FGF13: variants seen among roughly 807,000 people sequenced by gnomAD.
FGF13 encodes fibroblast growth factor homologous factor 2.
Under a neutral mutation model 19.5 loss-of-function variants are expected in FGF13, and 2 were observed. The ratio of observed to expected loss-of-function variants is 0.10; its 90% CI spans 0.04 to 0.32. The LOEUF is 0.32. FGF13 is among the 10% of genes least tolerant of loss of function. FGF13 has a pLI of 1.00. For synonymous variants in FGF13, 72 were observed against 76.9 expected, an observed-to-expected ratio of 0.94 and a Z score of 0.33; for missense variants, 113 against 192.7, an observed-to-expected ratio of 0.59 and a Z score of 2.45.
At chrX:139,035,397 A>C (rs998119193) in intron 1 of FGF13, among the ~76,000 whole-genome samples, 2 of 111,588 alleles carry the variant, frequency 1.8e-5, no homozygotes, top group African/African-American at 3.3e-5. Flanking sequence ...CATTTGAAAA[A>C]TTAAGTTCCT....
chrX:138,922,455 G>C (rs944335630), intron 1 of FGF13, among the ~76,000 whole-genome samples: 1 of 111,298 alleles, frequency 9.0e-6, no homozygotes, highest in Non-Finnish European at 1.9e-5. Flanking sequence ...TTGACCTACT[G>C]GATGAGCTTA....
rs1054504488 is a variant in FGF13, at chrX:138,617,192, G to T, written c.*15658C>A. ...ATGAATTGATATACCTAACAGGTTT[G>T]TATATGATACAGTATATAATTTTAG... is the stretch of plus-strand genomic sequence containing the variant. On this transcript the variant is annotated 3_prime_UTR_variant, in exon 5 of 5. Coordinates refer to ENST00000315930, the MANE Select transcript of FGF13 (RefSeq NM_004114.5). 1.8e-5 allele frequency: 2 copies of T among 111,764 alleles called. No individual in the cohort carries two copies. Among genetic ancestry groups the T allele is most frequent in the Non-Finnish European group, 3.8e-5 (2 of 53,214 alleles). The allele number at this position is 111,764 out of a possible 1,213,427, so 9.2% of individuals were successfully genotyped here.
At chrX:138,790,059 A>C (rs2090729483) in intron 3 of FGF13, among the ~76,000 whole-genome samples, 1 of 97,619 alleles carries the variant, frequency 1.0e-5, no homozygotes, top group African/African-American at 3.7e-5. Flanking sequence ...AAAAAAAAAA[A>C]AAAAAAAAAA....
At chrX:138,798,782 G>A (rs2090801347) in intron 3 of FGF13, among the ~76,000 whole-genome samples, 1 of 111,874 alleles carries the variant, frequency 8.9e-6, no homozygotes, top group African/African-American at 3.3e-5. Flanking sequence ...CTTCTCCCTG[G>A]TTTAGTCTTG....
chrX:139,019,999 A>G (rs1280338376), intron 1 of FGF13, among the ~76,000 whole-genome samples: 1 of 110,797 alleles, frequency 9.0e-6, no homozygotes, highest in Non-Finnish European at 1.9e-5. Context: ...AAGCAGTACA[A>G]AGTAATAGAA....
chrX:139,009,287 CAAG>C (rs913989327), intron 1 of FGF13, among the ~76,000 whole-genome samples: 3 of 111,173 alleles, frequency 2.7e-5, no homozygotes, highest in Non-Finnish European at 5.7e-5. Context: ...AATCAAAATA[CAAG>C]AAGCTCAAAG....
chrX:138,720,690 T>C (rs1304492662), intron 1 of FGF13, among the ~76,000 whole-genome samples: 1 of 111,416 alleles, frequency 9.0e-6, no homozygotes, highest in African/African-American at 3.3e-5. Flanking sequence ...TGAATCCAGC[T>C]TCAGAAAACA....
chrX:138,824,053 G>A (rs2091017607), intron 3 of FGF13, among the ~76,000 whole-genome samples: 2 of 112,200 alleles, frequency 1.8e-5, no homozygotes, highest in South Asian at 7.4e-4. Flanking sequence ...AGCTAGAAAT[G>A]TAAGAGAGGG....
chrX:138,712,911 G>A (rs558660819), upstream of FGF13, among the ~76,000 whole-genome samples: 1 of 112,209 alleles, frequency 8.9e-6, no homozygotes, highest in Admixed American at 9.4e-5. Flanking sequence ...ACACTGAAAT[G>A]CTTTCAGGCT....
intron 3 of FGF13, among the ~76,000 whole-genome samples, chrX:138,658,043 C>T (rs2089454259): frequency 9.0e-6 from 1 of 111,118 alleles, no homozygotes; most frequent in African/African-American, 3.3e-5. Context: ...AAAGTGGAAA[C>T]TATGAAATAA....
At chrX:138,686,151 C>A (rs2089780185) in intron 3 of FGF13, among the ~76,000 whole-genome samples, 1 of 111,326 alleles carries the variant, frequency 9.0e-6, no homozygotes, top group Non-Finnish European at 1.9e-5. Flanking sequence ...ACTATTTATG[C>A]AAAACTGATA....
At chrX:139,100,674 G>T (rs1268415399) in intron 1 of FGF13, among the ~76,000 whole-genome samples, 1 of 111,853 alleles carries the variant, frequency 8.9e-6, no homozygotes, top group African/African-American at 3.3e-5. Context: ...TCCTCCACTA[G>T]CCAAGAAAGG....
chrX:138,976,362 G>A (rs1010852964), intron 1 of FGF13, among the ~76,000 whole-genome samples: 1 of 111,761 alleles, frequency 8.9e-6, no homozygotes, highest in East Asian at 2.8e-4. Flanking sequence ...ATACTACTCA[G>A]CCATAAAAAA....
intron 1 of FGF13, among the ~76,000 whole-genome samples, chrX:138,966,164 C>T (rs775332568): frequency 3.6e-5 from 4 of 111,606 alleles, no homozygotes; most frequent in Middle Eastern, 4.6e-3. Context: ...AATGTGGGGT[C>T]GGAGCCTCCC....
In FGF13 at chrX:138,648,363, C is replaced by T. The variant is rs1056494432; in HGVS notation, c.403-12708G>A. ...ACAGGATAAAATCTAAACTCCCTGGCCGGGCGTTCAAGGCCCTCCACAATC... is the reference window on the plus strand; with the variant it reads ...ACAGGATAAAATCTAAACTCCCTGGTCGGGCGTTCAAGGCCCTCCACAATC... On this transcript the variant is annotated intron_variant, in intron 3 of 4. Coordinates refer to ENST00000315930, the MANE Select transcript of FGF13 (RefSeq NM_004114.5). Among the ~76,000 whole-genome samples, 4 of 111,639 alleles carry T rather than the reference C, an allele frequency of 3.6e-5. No homozygotes were observed. The East Asian group carries it at 1.1e-3, about 32-fold the overall frequency.
chrX:139,173,237 C>T (rs1053905954), intron 1 of FGF13, among the ~76,000 whole-genome samples: 1 of 111,280 alleles, frequency 9.0e-6, no homozygotes, highest in Non-Finnish European at 1.9e-5. Flanking sequence ...ACTTTAGTCC[C>T]AGCTGAGCTG....
At chrX:138,977,156 C>A (rs1184934565) in intron 1 of FGF13, among the ~76,000 whole-genome samples, 1 of 111,596 alleles carries the variant, frequency 9.0e-6, no homozygotes, top group Non-Finnish European at 1.9e-5. Context: ...TGAACACTGG[C>A]CCAAAGCAGT....
chrX:138,937,347 G>T (rs2091736386), intron 1 of FGF13, among the ~76,000 whole-genome samples: 1 of 111,573 alleles, frequency 9.0e-6, no homozygotes, highest in Admixed American at 9.5e-5. Flanking sequence ...AATACACACA[G>T]GCTAGATATG....
intron 1 of FGF13, among the ~76,000 whole-genome samples, chrX:139,177,974 C>T (rs758755406): frequency 1.8e-5 from 2 of 112,215 alleles, no homozygotes; most frequent in Non-Finnish European, 3.8e-5. Context: ...GGGACTTCCC[C>T]AGCTCCTTGT....
Sources: allele counts gnomAD v4.1 joint callset (sites outside exome capture counted in the v4.1 genomes callset), GRCh38; gene constraint gnomAD v4.1.1; transcripts MANE v1.5; gene names NCBI Gene and HGNC (gene_info 2026-07-23, HGNC 2026-07-21).